PCSK6: variants seen among roughly 807,000 people sequenced by gnomAD.
PCSK6 encodes the protein paired basic amino acid cleaving enzyme 4.
A neutral mutation model predicts 123.3 loss-of-function variants in PCSK6; 85 were observed. The observed-to-expected ratio is 0.69, with a 90% CI of 0.58 to 0.83. PCSK6 has a LOEUF of 0.83. Among genes scored for constraint, PCSK6 ranks in the 40% least tolerant of loss-of-function variants. PCSK6 has a pLI of 0.00. For synonymous variants in PCSK6, 508 were observed against 516.0 expected (o/e 0.98, Z 0.21); for missense variants, 1,191 against 1,282.3 (o/e 0.93, Z 1.09).
In PCSK6 at chr15:101,331,879, C is replaced by T. The variant is rs1254023932; in HGVS notation, c.2011G>A (p.Val671Ile). The change falls in exon 14 of 22, where the codon GTT becomes ATT. Residue 671 changes from valine (V) to isoleucine (I), a missense_variant. Physicochemically the swap from Val to Ile is conservative, Grantham distance 29. Around this residue, in one of 3 missense-constraint regions of PCSK6, gnomAD observed 630 missense variants for 631.4 expected, o/e 1.00. Transcript: ENST00000611716. Reference protein sequence around the residue: ...KAALSPSQVEVPEDEEDYTAQ... With the variant: ...KAALSPSQVEIPEDEEDYTAQ... ...GTGTAATCTTCCTCATCTTCAGGAA[C>T]TTCCACCTGGGAGGGTGACAGGGCA... 4 of 1,613,186 alleles carry T rather than the reference C, an allele frequency of 2.5e-6. No homozygotes were observed. The highest frequency in any genetic ancestry group is 3.4e-6 in the Non-Finnish European group (4 of 1,179,374).
intron 13 of PCSK6, chr15:101,364,950 A>G: frequency 1.3e-6 from 1 of 772,190 alleles, no homozygotes; most frequent in East Asian, 2.4e-5. Flanking sequence ...ACTGACTCCA[A>G]GATAGATATA....
intron 20 of PCSK6, chr15:101,307,936 CA>C (rs1423994392): frequency 6.5e-6 from 1 of 152,790 alleles, no homozygotes; most frequent in Non-Finnish European, 1.5e-5. Context: ...AACGTGACCT[CA>C]GGGGACGGTT....
In PCSK6 at chr15:101,449,383, A is replaced by C. The variant is rs1159333524; in HGVS notation, c.298-5723T>G. 3.3e-5 allele frequency among the ~76,000 whole-genome samples: 5 copies of C among 151,232 alleles called. No individual in the cohort carries two copies. The South Asian group carries it at 1.1e-3, about 32-fold the overall frequency. On this transcript the variant is annotated intron_variant, in intron 1 of 21. Coordinates refer to ENST00000611716, the MANE Select transcript of PCSK6 (RefSeq NM_002570.5). ...TGTGTAGATGTGGAACCCGTGGATA[A>C]AGACAGCCAACTGCATATGTATTCA... is the stretch of plus-strand genomic sequence containing the variant.
chr15:101,350,118 G>A (rs1289835935), intron 13 of PCSK6, among the ~76,000 whole-genome samples: 1 of 152,066 alleles, frequency 6.6e-6, no homozygotes, highest in African/African-American at 2.4e-5. Flanking sequence ...ACGTTGGCCA[G>A]ACTGGTCTCC....
chr15:101,307,528 C>T, intron 20 of PCSK6: 1 of 527,560 alleles, frequency 1.9e-6, no homozygotes, highest in Non-Finnish European at 3.4e-6. Context: ...TCACTATTGC[C>T]CTGGGAGGGC....
chr15:101,309,894 CTT>C (rs1355427182), intron 20 of PCSK6, among the ~76,000 whole-genome samples: 2 of 152,030 alleles, frequency 1.3e-5, no homozygotes, highest in East Asian at 3.9e-4. Context: ...CGGCCCCTCT[CTT>C]AGGGAACTTA....
chr15:101,482,075 T>C (rs180775326), intron 1 of PCSK6, among the ~76,000 whole-genome samples: 16 of 152,356 alleles, frequency 1.1e-4, no homozygotes, highest in Non-Finnish European at 2.1e-4. Flanking sequence ...GCTATGCCTC[T>C]TGTCTGTTCA....
chr15:101,390,066 G>C, intron 8 of PCSK6, among the ~76,000 whole-genome samples: 1 of 152,130 alleles, frequency 6.6e-6, no homozygotes, highest in East Asian at 1.9e-4. Context: ...TCTGCCTTTA[G>C]CCAGTAGGTC....
rs538584983 is a variant in PCSK6, at chr15:101,347,416, A to G, written c.1859-15385T>C. On this transcript the variant is annotated intron_variant, in intron 13 of 21. Coordinates refer to ENST00000611716, the MANE Select transcript of PCSK6 (RefSeq NM_002570.5). ...TCAAGAATTCATGGAACTTTTTAGG[A>G]TGAATAAAGGGAAAACATGGTCACA... 81 of 1,237,650 alleles carry G rather than the reference A, an allele frequency of 6.5e-5. No homozygotes were observed. In the African/African-American group the frequency reaches 1.1e-3, roughly 17 times the overall value. The allele number at this position is 1,237,650 out of a possible 1,614,324, so 76.7% of individuals were successfully genotyped here. A position where few individuals can be genotyped will look rare whatever the true frequency, so the allele number is the denominator to read the frequency against.
In PCSK6 at chr15:101,324,359, C is replaced by A. The variant is rs1035305916; in HGVS notation, c.2377+491G>T. Reference sequence around the variant, plus strand: ...ATCTCCGCAGCTCTGCCGAGGAGGGCTCTCCCCCAGCTCTGACCACCAATC... The same window carrying A: ...ATCTCCGCAGCTCTGCCGAGGAGGGATCTCCCCCAGCTCTGACCACCAATC... On this transcript the variant is annotated intron_variant, in intron 17 of 21. Coordinates refer to ENST00000611716, the MANE Select transcript of PCSK6 (RefSeq NM_002570.5). Among the ~76,000 whole-genome samples, 7 of 152,350 alleles carry A rather than the reference C, an allele frequency of 4.6e-5. No individual in the cohort carries two copies. In the East Asian group the frequency reaches 1.4e-3, roughly 29 times the overall value.
intron 1 of PCSK6, among the ~76,000 whole-genome samples, chr15:101,479,359 G>C (rs890995483): frequency 6.6e-6 from 1 of 152,266 alleles, no homozygotes; most frequent in African/African-American, 2.4e-5. Flanking sequence ...TGTGGTAAAA[G>C]TGAAGGGTTC....
chr15:101,437,505 A>G (rs2056635479), intron 2 of PCSK6, among the ~76,000 whole-genome samples: 1 of 152,186 alleles, frequency 6.6e-6, no homozygotes, highest in African/African-American at 2.4e-5. Context: ...TCATCCAGGC[A>G]GCTGCGAGCC....
chr15:101,439,169 G>A (rs1400338750), intron 2 of PCSK6, among the ~76,000 whole-genome samples: 1 of 152,220 alleles, frequency 6.6e-6, no homozygotes, highest in Non-Finnish European at 1.5e-5. Context: ...TGTACGGGAG[G>A]TGGAACAAGT....
chr15:101,312,694 T>C (rs531062087), intron 20 of PCSK6, among the ~76,000 whole-genome samples: 22 of 151,238 alleles, frequency 1.5e-4, no homozygotes, highest in African/African-American at 5.3e-4. Context: ...TAGTGGGGAG[T>C]GGTGGCGGGT....
rs2042495052 is a variant in PCSK6 at position 101,398,675 on chromosome 15, A to C, written c.824-99T>G. ...GGCTCGGATGAGGACACCGCATCACAGAGTCCCTCCCCAGCAGGGGCTGTT... is the reference window on the plus strand; with the variant it reads ...GGCTCGGATGAGGACACCGCATCACCGAGTCCCTCCCCAGCAGGGGCTGTT... On this transcript the variant is annotated intron_variant, in intron 6 of 21. Coordinates refer to ENST00000611716, the MANE Select transcript of PCSK6 (RefSeq NM_002570.5). This position sits in a 1 kb window ranked among gnomAD's most constrained non-coding sequence, Gnocchi z 4.6. 7.7e-7 allele frequency: 1 copy of C among 1,295,550 alleles called. No homozygotes were observed. Among genetic ancestry groups the C allele is most frequent in the Non-Finnish European group, 1.1e-6 (1 of 943,030 alleles). 80.3% of individuals were successfully genotyped at this position (1,295,550 alleles called of 1,614,324 possible). A position where few individuals can be genotyped will look rare whatever the true frequency, so the allele number is the denominator to read the frequency against.
intron 6 of PCSK6, among the ~76,000 whole-genome samples, chr15:101,418,179 T>G (rs2055955961): frequency 6.6e-6 from 1 of 152,202 alleles, no homozygotes; most frequent in Non-Finnish European, 1.5e-5. Flanking sequence ...ACAGAAAACC[T>G]GAATAGGTCT....
chr15:101,480,896 T>G (rs2057861834), intron 1 of PCSK6, among the ~76,000 whole-genome samples: 1 of 148,938 alleles, frequency 6.7e-6, no homozygotes, highest in African/African-American at 2.4e-5. Context: ...GTGGGGGTGG[T>G]TCAATAAATG....
chr15:101,360,028 A>G (rs142299149), intron 13 of PCSK6, among the ~76,000 whole-genome samples: 160 of 151,470 alleles, frequency 1.1e-3, no homozygotes, highest in African/African-American at 3.8e-3. Context: ...GGAAACTAGG[A>G]CTCCATTCTT....
At chr15:101,476,810 A>G (rs1032421717) in intron 1 of PCSK6, among the ~76,000 whole-genome samples, 1 of 152,204 alleles carries the variant, frequency 6.6e-6, no homozygotes, top group Non-Finnish European at 1.5e-5. Context: ...TTTATATGCA[A>G]TGTATAATTT....
Sources: gnomAD v4.1 joint callset for allele counts (sites outside exome capture counted in the v4.1 genomes callset) on GRCh38, gnomAD v4.1.1 for gene constraint, gnomAD v4.1.1 regional missense constraint, Gnocchi (gnomAD v3.1) non-coding constraint, MANE v1.5 for transcripts, NCBI Gene and HGNC (gene_info 2026-07-23, HGNC 2026-07-21) for gene names.